CHD1L: variants seen among roughly 807,000 people sequenced by gnomAD.
CHD1L encodes the protein ATP-dependent chromatin remodeler CHD1L.
Under a neutral mutation model 115.9 loss-of-function variants are expected in CHD1L, and 118 were observed. The ratio of observed to expected loss-of-function variants is 1.02; its 90% CI spans 0.88 to 1.19. The LOEUF (loss-of-function observed/expected upper bound fraction) is 1.19. CHD1L is among the 50% of genes most tolerant of loss of function. The pLI is 0.00. For missense variants in CHD1L, 1,179 were observed against 1,065.3 expected (o/e 1.11, Z -1.49); for synonymous variants, 411 against 387.1 (o/e 1.06, Z -0.72).
intron 1 of CHD1L, among the ~76,000 whole-genome samples, chr1:147,245,184 A>G (rs1195054964): frequency 6.6e-6 from 1 of 152,196 alleles, no homozygotes; most frequent in African/African-American, 2.4e-5. Context: ...TTAAAAAGCT[A>G]AAGACTACCT....
the CHD1L span, among the ~76,000 whole-genome samples, chr1:147,183,054 C>T: frequency 6.6e-6 from 1 of 152,116 alleles, no homozygotes; most frequent in Admixed American, 6.5e-5. Context: ...AAAGATTAGC[C>T]AGGCGTGGTG....
At chr1:147,261,529 C>T (rs1263246049) in intron 6 of CHD1L, among the ~76,000 whole-genome samples, 1 of 151,828 alleles carries the variant, frequency 6.6e-6, no homozygotes. Context: ...TTGAAGGAAA[C>T]ACATTCAATC....
intron 6 of CHD1L, among the ~76,000 whole-genome samples, chr1:147,263,906 A>G (rs1672902726): frequency 6.6e-6 from 1 of 152,218 alleles, no homozygotes; most frequent in Admixed American, 6.5e-5. Context: ...AGAAACATCC[A>G]GAAATCTTGA....
intron 15 of CHD1L, among the ~76,000 whole-genome samples, chr1:147,281,380 G>A (rs895736219): frequency 6.6e-6 from 1 of 151,994 alleles, no homozygotes; most frequent in African/African-American, 2.4e-5. Flanking sequence ...TGGTTTTGGG[G>A]GTTCATTTCT....
At chr1:147,257,198 C>G (rs1016706387) in intron 5 of CHD1L, among the ~76,000 whole-genome samples, 1 of 150,072 alleles carries the variant, frequency 6.7e-6, no homozygotes, top group African/African-American at 2.4e-5. Context: ...GGGTTTCATT[C>G]TCTATAACCT....
chr1:147,216,001 G>A, the CHD1L span: 1 of 1,319,934 alleles, frequency 7.6e-7, no homozygotes, highest in Non-Finnish European at 1.0e-6. Context: ...TTTTATAATA[G>A]CCAATAGACA....
At chr1:147,268,961 C>G in intron 10 of CHD1L, 83 bp downstream of exon 10, 1 of 997,742 alleles carries the variant, frequency 1.0e-6, no homozygotes, top group South Asian at 1.5e-5. Context: ...GTTGTTCAGG[C>G]CAATTCCAGT....
chr1:147,232,570 T>C, the CHD1L span, among the ~76,000 whole-genome samples: 1 of 150,996 alleles, frequency 6.6e-6, no homozygotes, highest in Non-Finnish European at 1.5e-5. Context: ...ACTGTACTGC[T>C]GCCATCTTGG....
upstream of CHD1L, among the ~76,000 whole-genome samples, chr1:147,241,165 A>G (rs1571504474): frequency 6.6e-6 from 1 of 152,194 alleles, no homozygotes; most frequent in African/African-American, 2.4e-5. Context: ...TGCTTGGCAC[A>G]TAGTATGTAA....
At chr1:147,192,948 A>C in the CHD1L span, among the ~76,000 whole-genome samples, 2 of 152,174 alleles carry the variant, frequency 1.3e-5, no homozygotes, top group African/African-American at 4.8e-5. Context: ...ATCAATGTTC[A>C]TCAAGGATAT....
intron 21 of CHD1L, among the ~76,000 whole-genome samples, 188 bp from the exon 22 acceptor site, chr1:147,294,221 C>G (rs950815780): frequency 6.6e-6 from 1 of 152,178 alleles, no homozygotes; most frequent in Non-Finnish European, 1.5e-5. Context: ...ATTTCCAGAA[C>G]TTGTAGGTCC....
chr1:147,295,463 T>C lies in CHD1L; in HGVS notation c.2648T>C (p.Leu883Pro). ...YYFPRSKSAVLHSQSSSSSSR... is the reference protein window; with the variant it reads ...YYFPRSKSAVPHSQSSSSSSR... ...TTTCCTAGAAGCAAGTCTGCTGTCC[T>C]TCATTCACAGTCTTCATCTTCCTCC... Residue 883 changes from leucine (L) to proline (P), a missense_variant, in exon 23 of 23, where the codon CTT (leucine) becomes CCT (proline). Physicochemically the swap from Leu to Pro is moderately conservative, Grantham distance 98 (BLOSUM62 -3). Coordinates refer to ENST00000369258, the MANE Select transcript of CHD1L (RefSeq NM_004284.6). 6.2e-7 allele frequency: 1 copy of C among 1,611,566 alleles called. No homozygotes were observed. Among genetic ancestry groups the C allele is most frequent in the South Asian group, 1.1e-5 (1 of 90,940 alleles).
At chr1:147,292,390 T>A (rs7523954) in intron 20 of CHD1L, among the ~76,000 whole-genome samples, 6,175 of 152,292 alleles carry the variant, frequency 0.041, 137 homozygotes, top group African/African-American at 0.059. Flanking sequence ...GAGTTTGATT[T>A]ACCCCACCTA....
chr1:147,184,369 A>G, the CHD1L span: 4 of 1,066,064 alleles, frequency 3.8e-6, no homozygotes, highest in Non-Finnish European at 3.7e-6. The surrounding 1 kb of genome is among the most constrained non-coding windows in gnomAD (Gnocchi z 4.4). Flanking sequence ...TGTCACAACT[A>G]ATAAACCAAT....
chr1:147,185,876 A>C, the CHD1L span, among the ~76,000 whole-genome samples: 5 of 152,288 alleles, frequency 3.3e-5, no homozygotes, highest in Non-Finnish European at 7.4e-5. Context: ...TTTGCATTTC[A>C]TTTGCTCTGT....
intron 10 of CHD1L, among the ~76,000 whole-genome samples, chr1:147,270,179 TA>T (rs1292588870): frequency 3.9e-5 from 6 of 152,314 alleles, no homozygotes; most frequent in African/African-American, 1.4e-4. Context: ...AAGCTCAGAT[TA>T]AATAAGTTTT....
intron 9 of CHD1L, among the ~76,000 whole-genome samples, chr1:147,267,766 G>T (rs1674522630): frequency 6.6e-6 from 1 of 152,088 alleles, no homozygotes; most frequent in South Asian, 2.1e-4. Context: ...TGCAGACCCT[G>T]CATTGCATTT....
the CHD1L span, chr1:147,187,292 G>T: frequency 7.1e-7 from 1 of 1,418,174 alleles, no homozygotes; most frequent in Non-Finnish European, 9.6e-7. Flanking sequence ...AATTCAATCA[G>T]TCAGTCAATC....
chr1:147,294,337 C>A, intron 21 of CHD1L, 72 bp from the exon 22 acceptor site: 1 of 969,652 alleles, frequency 1.0e-6, no homozygotes, highest in Non-Finnish European at 1.5e-6. Context: ...TAATAATTTT[C>A]TCCCATGTGT....
Sources: gnomAD v4.1 joint callset for allele counts (sites outside exome capture counted in the v4.1 genomes callset) on GRCh38, gnomAD v4.1.1 for gene constraint, Gnocchi (gnomAD v3.1) non-coding constraint, MANE v1.5 for transcripts, NCBI Gene and HGNC (gene_info 2026-07-23, HGNC 2026-07-21) for gene names.